UNC79: variants seen among roughly 807,000 people sequenced by gnomAD.
The protein encoded by UNC79 is protein unc-79 homolog.
In UNC79, 37 loss-of-function variants were observed where a neutral mutation model predicts 283.1. That is an observed-to-expected ratio of 0.13 (90% CI 0.10 to 0.17). The LOEUF is 0.17. Ranked by LOEUF, UNC79 falls within the 10% of genes least tolerant of loss-of-function variation. The pLI is 1.00. For synonymous variants in UNC79, 1,107 were observed against 1,200.2 expected, an observed-to-expected ratio of 0.92 and a Z score of 1.61; for missense variants, 2,272 against 3,211.1, an observed-to-expected ratio of 0.71 and a Z score of 7.07.
At chr14:93,597,188 G>A (rs552296708) in intron 23 of UNC79, among the ~76,000 whole-genome samples, 171 bp from the exon 24 acceptor site, 2 of 152,344 alleles carry the variant, frequency 1.3e-5, no homozygotes, top group Non-Finnish European at 1.5e-5. Flanking sequence ...TGGAACACTC[G>A]AGATGGTGGT....
chr14:93,522,268 T>G (rs924971673), intron 7 of UNC79, among the ~76,000 whole-genome samples: 1 of 152,126 alleles, frequency 6.6e-6, no homozygotes, highest in Non-Finnish European at 1.5e-5. Context: ...ATAAGTGTCA[T>G]GAACTTCTGT....
intron 14 of UNC79, among the ~76,000 whole-genome samples, chr14:93,551,411 G>C (rs553009784): frequency 1.3e-5 from 2 of 152,300 alleles, no homozygotes; most frequent in South Asian, 4.1e-4. Context: ...TACAGGCTGG[G>C]TTGGGCAGTG....
At chr14:93,469,104 A>G (rs1246232332) in intron 2 of UNC79, among the ~76,000 whole-genome samples, 2 of 152,226 alleles carry the variant, frequency 1.3e-5, no homozygotes, top group African/African-American at 2.4e-5. Context: ...ATTTGCCAGG[A>G]AACTGTAATA....
intron 18 of UNC79, among the ~76,000 whole-genome samples, chr14:93,579,228 A>G (rs2063643759): frequency 6.6e-6 from 1 of 152,218 alleles, no homozygotes; most frequent in Admixed American, 6.5e-5. Context: ...AACTTTGGTC[A>G]CCTTAACCAA....
chr14:93,646,629 T>C, exon 35 of UNC79: 1 of 1,613,934 alleles, frequency 6.2e-7, no homozygotes, highest in Non-Finnish European at 8.5e-7. Flanking sequence ...GTACTACCTT[T>C]TCTAATCAAG....
chr14:93,634,327 C>G (rs1306150688), intron 31 of UNC79, among the ~76,000 whole-genome samples, 194 bp from the exon 34 acceptor site: 1 of 152,164 alleles, frequency 6.6e-6, no homozygotes, highest in Non-Finnish European at 1.5e-5. Context: ...GGCACTGTTA[C>G]CATCCTCACT....
intron 13 of UNC79, among the ~76,000 whole-genome samples, chr14:93,541,744 G>A (rs1200994611): frequency 1.3e-5 from 2 of 152,070 alleles, no homozygotes; most frequent in East Asian, 1.9e-4. Context: ...GGTGGCTCAC[G>A]CCTGTAATCC....
intron 47 of UNC79, among the ~76,000 whole-genome samples, chr14:93,702,873 C>T (rs2075629439): frequency 6.6e-6 from 1 of 152,258 alleles, no homozygotes; most frequent in Non-Finnish European, 1.5e-5. Context: ...GCAACCTCCA[C>T]AGTGGCTCTT....
At chr14:93,339,084 G>A (rs1188935436) in intron 1 of UNC79, among the ~76,000 whole-genome samples, 1 of 152,132 alleles carries the variant, frequency 6.6e-6, no homozygotes, top group Non-Finnish European at 1.5e-5. Flanking sequence ...GAAAATGGAG[G>A]TGAGGTACTA....
At chr14:93,438,141 CAAAA>C (rs1026956781) in intron 1 of UNC79, among the ~76,000 whole-genome samples, 18 of 152,128 alleles carry the variant, frequency 1.2e-4, no homozygotes, top group African/African-American at 4.1e-4. Flanking sequence ...AAAATGTTGA[CAAAA>C]AGAAAGAAGC....
intron 7 of UNC79, among the ~76,000 whole-genome samples, chr14:93,510,420 G>C (rs2059765619): frequency 1.3e-5 from 2 of 152,130 alleles, no homozygotes; most frequent in African/African-American, 2.4e-5. Context: ...AAATTTTTAT[G>C]TTCTGCTTCC....
intron 1 of UNC79, among the ~76,000 whole-genome samples, chr14:93,394,473 C>T (rs982282003): frequency 1.6e-4 from 23 of 147,458 alleles, no homozygotes; most frequent in South Asian, 4.3e-4. Context: ...TGCAGTGGTG[C>T]GATCTCGGCT....
chr14:93,537,620 C>G (rs1415128086), intron 11 of UNC79, among the ~76,000 whole-genome samples: 1 of 152,140 alleles, frequency 6.6e-6, no homozygotes, highest in Non-Finnish European at 1.5e-5. Flanking sequence ...ACTCTCTGAT[C>G]CATGGTTCTG....
intron 1 of UNC79, among the ~76,000 whole-genome samples, chr14:93,349,423 C>T (rs1459710450): frequency 6.6e-6 from 1 of 152,140 alleles, no homozygotes; most frequent in Non-Finnish European, 1.5e-5. Flanking sequence ...TGTAATAAGT[C>T]CCTCCCCGAG....
At chr14:93,478,251 G>T (rs758281563) in intron 4 of UNC79, among the ~76,000 whole-genome samples, 2 of 152,078 alleles carry the variant, frequency 1.3e-5, no homozygotes, top group East Asian at 3.8e-4. Flanking sequence ...AAAGTGACTC[G>T]AAATTTATGA....
At chr14:93,593,567 AG>A in intron 22 of UNC79, 112 bp from the exon 23 acceptor site, 1 of 1,290,276 alleles carries the variant, frequency 7.8e-7, no homozygotes, top group African/African-American at 1.5e-5. Flanking sequence ...TTTCACCAAA[AG>A]CACCCCTACC....
At chr14:93,383,522 T>A (rs546342765) in intron 1 of UNC79, among the ~76,000 whole-genome samples, 55 of 152,342 alleles carry the variant, frequency 3.6e-4, no homozygotes, top group African/African-American at 1.2e-3. Flanking sequence ...AATAGCATTA[T>A]GTCTAAAAAA....
chr14:93,471,413 G>A (rs2057494510), intron 2 of UNC79, among the ~76,000 whole-genome samples: 1 of 152,100 alleles, frequency 6.6e-6, no homozygotes, highest in Admixed American at 6.6e-5. Context: ...GAGAATCTCA[G>A]GAGGAAAAGG....
intron 1 of UNC79, among the ~76,000 whole-genome samples, chr14:93,455,471 G>A (rs2056769324): frequency 6.6e-6 from 1 of 152,160 alleles, no homozygotes; most frequent in African/African-American, 2.4e-5. Flanking sequence ...GTGTGTGTGT[G>A]CGTGCATCTG....
Sources: allele counts gnomAD v4.1 joint callset (sites outside exome capture counted in the v4.1 genomes callset), GRCh38; gene constraint gnomAD v4.1.1; transcripts MANE v1.5; gene names NCBI Gene and HGNC (gene_info 2026-07-23, HGNC 2026-07-21).